ARHGAP42: variants seen among roughly 807,000 people sequenced by gnomAD.
ARHGAP42 encodes rho GTPase-activating protein 42.
Under a neutral mutation model 125.0 loss-of-function variants are expected in ARHGAP42, and 63 were observed. The ratio of observed to expected loss-of-function variants is 0.50; its 90% CI spans 0.41 to 0.62. The LOEUF is 0.62. Among genes scored for constraint, ARHGAP42 ranks in the 20% least tolerant of loss-of-function variants. The pLI, the probability that ARHGAP42 is intolerant of heterozygous loss-of-function variation, is 0.00. For missense variants in ARHGAP42, 766 were observed against 1,024.2 expected, an observed-to-expected ratio of 0.75 and a Z score of 3.44; for synonymous variants, 339 against 351.0, an observed-to-expected ratio of 0.97 and a Z score of 0.38.
rs1858716679 is a variant in ARHGAP42 at position 100,987,678 on chromosome 11, C to T, written c.2536+86C>T. 10 of 1,251,882 alleles carry T rather than the reference C, an allele frequency of 8.0e-6. No homozygotes were observed. The South Asian group carries it at 1.3e-4, about 16-fold the overall frequency. The allele number at this position is 1,251,882 out of a possible 1,614,324, so 77.5% of individuals were successfully genotyped here. On this transcript the variant is annotated intron_variant, in intron 23 of 23. Transcript: ENST00000298815. ...TGGTGGTATGAGTCTAAAGTAGAAG[C>T]CAGAAGCCTCAGATTTTATCCCATG...
Position 100,864,547 on chromosome 11 carries a change from A to T in ARHGAP42, c.384+4922A>T, listed in dbSNP as rs953182099. Among the ~76,000 whole-genome samples the T allele has an allele frequency of 2.0e-5, 3 of 152,150 alleles. No individual in the cohort carries two copies. The South Asian group carries it at 6.2e-4, about 32-fold the overall frequency. On this transcript the variant is annotated intron_variant, in intron 4 of 23. Transcript: ENST00000298815. ...AACAAATGTATGTTTATAAACATACATACACACCAGAGCATTGCATATGTT... is the reference window on the plus strand; with the variant it reads ...AACAAATGTATGTTTATAAACATACTTACACACCAGAGCATTGCATATGTT...
chr11:100,948,385 TATCTTTTTAG>T (rs1868079486), intron 10 of ARHGAP42, 62 bp from the exon 11 acceptor site: 1 of 1,113,038 alleles, frequency 9.0e-7, no homozygotes, highest in African/African-American at 1.6e-5. Context: ...CTTCAAATTT[TATCTTTTTAG>T]TTAACTGAGA....
At position 100,690,629 on chromosome 11, in the gene ARHGAP42, C is replaced by T. The variant is rs548376820; in HGVS notation, c.154+2797C>T. 2.0e-5 allele frequency among the ~76,000 whole-genome samples: 3 copies of T among 152,254 alleles called. No homozygotes were observed. The East Asian group carries it at 5.8e-4, about 29-fold the overall frequency. On this transcript the variant is annotated intron_variant, in intron 1 of 23. Coordinates refer to ENST00000298815, the MANE Select transcript of ARHGAP42 (RefSeq NM_152432.4). Reference sequence around the variant, plus strand: ...ATTTTTCTTTTGTGACAGAGTCTCGCTCTGTCGCCCAGGCTGGAGTGCAGT... The same window carrying T: ...ATTTTTCTTTTGTGACAGAGTCTCGTTCTGTCGCCCAGGCTGGAGTGCAGT...
chr11:100,896,163 G>T (rs1233871543), intron 4 of ARHGAP42, among the ~76,000 whole-genome samples: 1 of 152,160 alleles, frequency 6.6e-6, no homozygotes, highest in Non-Finnish European at 1.5e-5. Flanking sequence ...TCCTGCAAAG[G>T]ACATGAACTC....
chr11:100,732,951 A>T (rs912724369), intron 1 of ARHGAP42, among the ~76,000 whole-genome samples: 1 of 152,234 alleles, frequency 6.6e-6, no homozygotes, highest in Non-Finnish European at 1.5e-5. Flanking sequence ...TTAATTAGCC[A>T]GCTCCAAAAT....
intron 2 of ARHGAP42, among the ~76,000 whole-genome samples, chr11:100,776,328 C>T (rs1369454377): frequency 6.6e-6 from 1 of 152,138 alleles, no homozygotes; most frequent in East Asian, 1.9e-4. Flanking sequence ...GTGTGATGAC[C>T]TAGACTCTCA....
At chr11:100,867,714 T>A (rs191689819) in intron 4 of ARHGAP42, among the ~76,000 whole-genome samples, 2 of 152,356 alleles carry the variant, frequency 1.3e-5, no homozygotes, top group Non-Finnish European at 2.9e-5. Flanking sequence ...AGAACTTTTG[T>A]ATTCACAGCT....
chr11:100,813,515 C>T (rs1004487431), intron 3 of ARHGAP42, among the ~76,000 whole-genome samples: 2 of 152,136 alleles, frequency 1.3e-5, no homozygotes, highest in Admixed American at 6.5e-5. Flanking sequence ...GAGATCAGAG[C>T]TGGAAAAAGA....
At chr11:100,799,601 G>A (rs980579115) in intron 3 of ARHGAP42, among the ~76,000 whole-genome samples, 2 of 152,198 alleles carry the variant, frequency 1.3e-5, no homozygotes, top group African/African-American at 4.8e-5. Context: ...TGAAAATTAA[G>A]AATTAGAAGA....
chr11:100,779,463 A>ATT (rs1420784707), intron 2 of ARHGAP42, among the ~76,000 whole-genome samples: 7 of 80,326 alleles, frequency 8.7e-5, no homozygotes, highest in South Asian at 4.4e-4. Context: ...AAAAAAAAAA[A>ATT]AAAAATATAT....
At chr11:100,889,858 C>T (rs1376472585) in intron 4 of ARHGAP42, among the ~76,000 whole-genome samples, 1 of 152,132 alleles carries the variant, frequency 6.6e-6, no homozygotes, top group African/African-American at 2.4e-5. Context: ...CTTGACCCAC[C>T]TTGTTCACCT....
chr11:100,822,249 A>C (rs1431194657), intron 3 of ARHGAP42, among the ~76,000 whole-genome samples: 1 of 152,148 alleles, frequency 6.6e-6, no homozygotes, highest in Non-Finnish European at 1.5e-5. Flanking sequence ...TTCATTTACA[A>C]ATTTTAGAGT....
intron 3 of ARHGAP42, among the ~76,000 whole-genome samples, chr11:100,835,281 T>C (rs1864758263): frequency 6.6e-6 from 1 of 152,164 alleles, no homozygotes; most frequent in Non-Finnish European, 1.5e-5. Flanking sequence ...TTTAAATGAT[T>C]TTCCAGCATT....
intron 5 of ARHGAP42, among the ~76,000 whole-genome samples, chr11:100,916,819 A>G (rs1867078745): frequency 2.0e-5 from 3 of 152,176 alleles, no homozygotes; most frequent in Non-Finnish European, 2.9e-5. Flanking sequence ...GAAATTTAGA[A>G]ACATCTGAAA....
chr11:100,889,641 A>G (rs1866173010), intron 4 of ARHGAP42, among the ~76,000 whole-genome samples: 1 of 152,178 alleles, frequency 6.6e-6, no homozygotes. Context: ...GATCTGTTGG[A>G]CACCCTGGTT....
chr11:100,988,642 TA>T, intron 23 of ARHGAP42, 70 bp from the exon 24 acceptor site: 1 of 1,296,028 alleles, frequency 7.7e-7, no homozygotes. Flanking sequence ...TGTGGGTGTT[TA>T]ACCCATCTGT....
At chr11:100,923,882 T>C (rs1867348082) in intron 6 of ARHGAP42, among the ~76,000 whole-genome samples, 1 of 152,116 alleles carries the variant, frequency 6.6e-6, no homozygotes. Flanking sequence ...TCCATGGAGT[T>C]GTACTTAATA....
intron 2 of ARHGAP42, among the ~76,000 whole-genome samples, chr11:100,779,542 A>ATACATATACGTATATATACG (rs1211752666): frequency 2.4e-5 from 1 of 42,302 alleles, no homozygotes; most frequent in Non-Finnish European, 6.5e-5. Context: ...ATATATACGT[A>ATACATATACGTATATATACG]TATATATACA....
chr11:100,750,830 T>C (rs994220859), intron 1 of ARHGAP42, among the ~76,000 whole-genome samples: 5 of 152,162 alleles, frequency 3.3e-5, no homozygotes, highest in Non-Finnish European at 7.3e-5. Context: ...TACTGACATA[T>C]TGATTCTTTG....
Sources: gnomAD v4.1 joint callset for allele counts (sites outside exome capture counted in the v4.1 genomes callset) on GRCh38, gnomAD v4.1.1 for gene constraint, MANE v1.5 for transcripts, NCBI Gene and HGNC (gene_info 2026-07-23, HGNC 2026-07-21) for gene names.